DLGAP1: variants seen among roughly 807,000 people sequenced by gnomAD.
DLGAP1 encodes disks large-associated protein 1.
A neutral mutation model predicts 90.8 loss-of-function variants in DLGAP1; 11 were observed. The ratio of observed to expected loss-of-function variants is 0.12; its 90% CI spans 0.08 to 0.20. DLGAP1 has a LOEUF of 0.20. Ranked by LOEUF, DLGAP1 falls within the 10% of genes least tolerant of loss-of-function variation. DLGAP1 has a pLI of 1.00. For missense variants in DLGAP1, 1,050 were observed against 1,333.8 expected (o/e 0.79, Z 3.31); for synonymous variants, 558 against 540.7 (o/e 1.03, Z -0.44).
chr18:3,969,182 T>C (rs760505361), intron 3 of DLGAP1, among the ~76,000 whole-genome samples: 2 of 152,186 alleles, frequency 1.3e-5, no homozygotes, highest in Non-Finnish European at 2.9e-5. Context: ...ACTTTCCAGG[T>C]CAAACTATGC....
intron 1 of DLGAP1, among the ~76,000 whole-genome samples, chr18:4,407,994 C>T (rs2082699947): frequency 6.6e-6 from 1 of 152,054 alleles, no homozygotes; most frequent in Admixed American, 6.5e-5. Flanking sequence ...TGGAGATGAA[C>T]GTGAGTTTTG....
chr18:3,623,054 C>T (rs1408104155), intron 7 of DLGAP1, among the ~76,000 whole-genome samples: 1 of 151,972 alleles, frequency 6.6e-6, no homozygotes, highest in East Asian at 1.9e-4. Context: ...ATCCGCCTGC[C>T]TCTGCCTCCC....
In DLGAP1 at chr18:4,383,862, C is replaced by T. The variant is rs939373628; in HGVS notation, c.-267+71144G>A. ...AGGATGAGATTAAGTGCAACCATTT[C>T]AATGGCTCCTACCAAATAAATAAAA... On this transcript the variant is annotated intron_variant, in intron 1 of 12. Coordinates refer to ENST00000315677, the MANE Select transcript of DLGAP1 (RefSeq NM_004746.4). This position sits in a 1 kb window ranked among gnomAD's most constrained non-coding sequence, Gnocchi z 4.0. Among the ~76,000 whole-genome samples the T allele has an allele frequency of 6.6e-6, 1 of 152,110 alleles. No homozygotes were observed. The highest frequency in any genetic ancestry group is 1.5e-5 in the Non-Finnish European group (1 of 67,988).
intron 7 of DLGAP1, among the ~76,000 whole-genome samples, chr18:3,661,866 G>A (rs1298091173): frequency 1.3e-5 from 2 of 152,086 alleles, no homozygotes; most frequent in Non-Finnish European, 2.9e-5. Flanking sequence ...ACAGGAGTTA[G>A]CCACTGCTCC....
At chr18:3,783,299 C>G (rs560635632) in intron 5 of DLGAP1, among the ~76,000 whole-genome samples, 4 of 152,278 alleles carry the variant, frequency 2.6e-5, no homozygotes, top group African/African-American at 9.6e-5. Context: ...CTGCTCCTAG[C>G]TATATACTTG....
chr18:3,586,297 T>A (rs2055880353), intron 7 of DLGAP1, among the ~76,000 whole-genome samples: 1 of 152,112 alleles, frequency 6.6e-6, no homozygotes, highest in South Asian at 2.1e-4. Flanking sequence ...ATTATGAGGC[T>A]TAAGGAAAGG....
chr18:4,008,273 TAAC>T (rs1397837574), intron 2 of DLGAP1, among the ~76,000 whole-genome samples: 5 of 151,554 alleles, frequency 3.3e-5, no homozygotes, highest in African/African-American at 7.3e-5. Context: ...ATACACCAAG[TAAC>T]AACAACAAAG....
At chr18:3,938,662 G>A (rs1440568197) in intron 3 of DLGAP1, among the ~76,000 whole-genome samples, 2 of 152,188 alleles carry the variant, frequency 1.3e-5, no homozygotes, top group Non-Finnish European at 2.9e-5. Context: ...ATAAATGAAT[G>A]CAAGGAGACA....
intron 3 of DLGAP1, 46 bp downstream of exon 3, chr18:4,005,070 T>C (rs746940059): frequency 6.6e-6 from 1 of 152,168 alleles, no homozygotes; most frequent in Non-Finnish European, 1.5e-5. Context: ...TAATTTAGGA[T>C]ATCTGGGCTC....
At chr18:4,223,188 G>A (rs1428901716) in intron 1 of DLGAP1, among the ~76,000 whole-genome samples, 1 of 152,034 alleles carries the variant, frequency 6.6e-6, no homozygotes, top group East Asian at 1.9e-4. Flanking sequence ...CCCTACAGAT[G>A]TTTTATAAAT....
chr18:3,742,235 A>G, intron 6 of DLGAP1, 100 bp downstream of exon 6: 1 of 1,393,248 alleles, frequency 7.2e-7, no homozygotes, highest in East Asian at 2.3e-5. Context: ...TCAATGGTCT[A>G]CTGGATGAAT....
At chr18:3,985,172 C>T (rs1191732676) in intron 3 of DLGAP1, among the ~76,000 whole-genome samples, 1 of 152,188 alleles carries the variant, frequency 6.6e-6, no homozygotes, top group Non-Finnish European at 1.5e-5. Context: ...CCCTTTCTAC[C>T]TTGATTAGCA....
chr18:3,504,064 C>G (rs1302968914), intron 11 of DLGAP1, among the ~76,000 whole-genome samples: 2 of 152,080 alleles, frequency 1.3e-5, no homozygotes, highest in African/African-American at 4.8e-5. Flanking sequence ...CCATTGCACT[C>G]CAGCCTGGGT....
Position 4,109,111 on chromosome 18 carries a change from G to A in DLGAP1, c.-159+42069C>T, listed in dbSNP as rs565341487. The stretch of plus-strand genomic sequence containing the variant: ...CTGGAAATGATTATATTGTGGGAAG[G>A]ATGTGCTAATTCCAGGTCCAGCTTG... On this transcript the variant is annotated intron_variant, in intron 2 of 12. Transcript: ENST00000315677. Among the ~76,000 whole-genome samples the A allele has an allele frequency of 2.6e-5, 4 of 152,238 alleles. No homozygotes were observed. In the South Asian group the frequency reaches 8.3e-4, roughly 32 times the overall value.
intron 4 of DLGAP1, among the ~76,000 whole-genome samples, chr18:3,845,060 A>G (rs1485032143): frequency 1.3e-5 from 2 of 152,138 alleles, no homozygotes; most frequent in Non-Finnish European, 2.9e-5. Context: ...TCAGAGGAAA[A>G]GGGTATGTTG....
At chr18:4,053,271 GTAGA>G (rs2075162616) in intron 2 of DLGAP1, among the ~76,000 whole-genome samples, 3 of 152,264 alleles carry the variant, frequency 2.0e-5, no homozygotes, top group Middle Eastern at 3.4e-3. Context: ...TATAATCATG[GTAGA>G]TGGGGAAGAA....
intron 2 of DLGAP1, among the ~76,000 whole-genome samples, chr18:4,094,891 C>T (rs1234330182): frequency 1.3e-5 from 2 of 152,148 alleles, no homozygotes; most frequent in African/African-American, 4.8e-5. Flanking sequence ...AGCCACTGCA[C>T]CTGGTTGCCT....
intron 4 of DLGAP1, 76 bp from the exon 5 acceptor site, chr18:3,814,349 T>C: frequency 2.2e-6 from 3 of 1,377,774 alleles, no homozygotes; most frequent in East Asian, 2.4e-5. Context: ...TTTTTTTAGA[T>C]TTAACATTTC....
intron 3 of DLGAP1, among the ~76,000 whole-genome samples, chr18:3,929,903 T>C (rs1319874600): frequency 6.6e-6 from 1 of 152,214 alleles, no homozygotes; most frequent in Non-Finnish European, 1.5e-5. Context: ...ATGGAATGAC[T>C]GCACCAAAGT....
Sources: gnomAD v4.1 joint callset for allele counts (sites outside exome capture counted in the v4.1 genomes callset) on GRCh38, gnomAD v4.1.1 for gene constraint, Gnocchi (gnomAD v3.1) non-coding constraint, MANE v1.5 for transcripts, NCBI Gene and HGNC (gene_info 2026-07-23, HGNC 2026-07-21) for gene names.